The following ZKSCAN2 variants were observed in gnomAD, a reference collection of about 807,000 sequenced individuals.
ZKSCAN2 encodes the protein zinc finger protein with KRAB and SCAN domains 2.
A neutral mutation model predicts 90.5 loss-of-function variants in ZKSCAN2; 38 were observed. The ratio of observed to expected loss-of-function variants is 0.42; its 90% confidence interval spans 0.32 to 0.55. The LOEUF is 0.55. Among genes scored for constraint, ZKSCAN2 ranks in the 20% least tolerant of loss-of-function variants. The pLI is 0.11. For synonymous variants in ZKSCAN2, 429 were observed against 421.6 expected (o/e 1.02, Z -0.22); for missense variants, 1,167 against 1,202.6 (o/e 0.97, Z 0.44).
rs954125144 is a variant in ZKSCAN2, at chr16:25,246,749, A to G, written c.1447T>C (p.Ser483Pro). ...AAGACAGGGGCACCATGGATTTCAG[A>G]CTTGCGGATAAATTCGATGCCTATT... ...DEIGIEFIRK[S>P]EIHGAPVLFQ... The change falls in exon 5 of 7, where the codon TCT (serine) becomes CCT (proline). Residue 483 changes from serine to proline, a missense_variant. Coordinates refer to ENST00000328086, the MANE Select transcript of ZKSCAN2 (RefSeq NM_001012981.5). The G allele has an allele frequency of 6.2e-7, 1 of 1,614,084 alleles. No homozygotes were observed. Among genetic ancestry groups the G allele is most frequent in the Non-Finnish European group, 8.5e-7 (1 of 1,180,034 alleles).
At chr16:25,254,990 G>A (rs771657683) in intron 2 of ZKSCAN2, among the ~76,000 whole-genome samples, 1 of 150,640 alleles carries the variant, frequency 6.6e-6, no homozygotes, top group Non-Finnish European at 1.5e-5. Context: ...ATTTTGTAGA[G>A]ACTGGGTTTT....
At chr16:25,242,153 CCA>C (rs759705262) in intron 6 of ZKSCAN2, among the ~76,000 whole-genome samples, 3 of 152,198 alleles carry the variant, frequency 2.0e-5, no homozygotes, top group Non-Finnish European at 4.4e-5. Flanking sequence ...GTGTGGGCCA[CCA>C]CACCTGGCCT....
Position 25,246,858 on chromosome 16 carries a change from T to C in ZKSCAN2, c.1338A>G (p.Arg446=), listed in dbSNP as rs1205198732. ...TAGCACTGATGGCAATTCTCTTCAG[T>C]CTGGGGACAGGTATCATCTCCTTTG... ...DKPKEMIPVP[R]LKRIAISAKE... is the part of the protein sequence containing the mutation. The change falls in exon 5 of 7, where the codon AGA becomes AGG. Residue 446 remains arginine (R), a synonymous_variant. Coordinates refer to ENST00000328086, the MANE Select transcript of ZKSCAN2 (RefSeq NM_001012981.5). The C allele has an allele frequency of 6.2e-7, 1 of 1,614,092 alleles. No homozygotes were observed. Among genetic ancestry groups the C allele is most frequent in the Non-Finnish European group, 8.5e-7 (1 of 1,180,044 alleles).
At chr16:25,255,083 A>C (rs914365811) in intron 2 of ZKSCAN2, 123 bp downstream of exon 2, 71 of 1,011,858 alleles carry the variant, frequency 7.0e-5, no homozygotes, top group Non-Finnish European at 1.7e-5. Context: ...GAAGTGAATG[A>C]AACCTTTCTC....
At chr16:25,251,888 G>C (rs755750430) in intron 4 of ZKSCAN2, 21 bp downstream of exon 4, 4 of 1,612,236 alleles carry the variant, frequency 2.5e-6, no homozygotes, top group Non-Finnish European at 3.4e-6. Context: ...TCTTATATTT[G>C]GAAAGGGAAG....
Position 25,240,470 on chromosome 16 carries a change from A to T in ZKSCAN2, c.2250T>A (p.Leu750=). ...TTCCAAAGCTTTCTCCATATTTGAG[A>T]AGTCTGTAGGGTCTCTTCCCCACAA... ...RPFVGKRPYR[L]LKYGESFGRS... is the part of the protein sequence containing the mutation. The change falls in exon 7 of 7, where the codon CTT becomes CTA. Residue 750 remains leucine (L), a synonymous_variant. Transcript: ENST00000328086. 6.2e-7 allele frequency: 1 copy of T among 1,614,046 alleles called. No homozygotes were observed. The highest frequency in any genetic ancestry group is 2.2e-5 in the East Asian group (1 of 44,872).
Position 25,236,361 on chromosome 16 carries a change from G to A in ZKSCAN2, c.*3455C>T, listed in dbSNP as rs1962767906. ...CTTCCCCAACAAGCTCCTGGGCTGA[G>A]TTTGCTGTCACAGCATCCCCTCCCT... On this transcript the variant is annotated 3_prime_UTR_variant, in exon 7 of 7. Coordinates refer to ENST00000328086, the MANE Select transcript of ZKSCAN2 (RefSeq NM_001012981.5). 6.6e-6 allele frequency: 1 copy of A among 152,394 alleles called. No homozygotes were observed. The highest frequency in any genetic ancestry group is 2.1e-4 in the South Asian group (1 of 4,838). 9.4% of individuals were successfully genotyped at this position (152,394 alleles called of 1,614,324 possible). A position where few individuals can be genotyped will look rare whatever the true frequency, so the allele number is the denominator to read the frequency against.
chr16:25,249,468 G>C (rs1255253691), intron 4 of ZKSCAN2, among the ~76,000 whole-genome samples: 2 of 152,086 alleles, frequency 1.3e-5, no homozygotes, highest in African/African-American at 4.8e-5. Context: ...ATTTTTAGTA[G>C]AGATGGGGTT....
chr16:25,251,213 G>A (rs1279006152), intron 4 of ZKSCAN2, among the ~76,000 whole-genome samples: 1 of 152,058 alleles, frequency 6.6e-6, no homozygotes, highest in African/African-American at 2.4e-5. Flanking sequence ...GCTTAAGGAG[G>A]TTGAGGGTAG....
intron 5 of ZKSCAN2, 62 bp from the exon 6 acceptor site, chr16:25,244,338 A>G (rs1962901347): frequency 5.3e-6 from 8 of 1,518,080 alleles, no homozygotes; most frequent in Non-Finnish European, 6.2e-6. Context: ...CCTCTATACT[A>G]TATACATTAA....
At chr16:25,243,760 A>G (rs1962887519) in intron 6 of ZKSCAN2, 25 bp downstream of exon 6, 2 of 1,502,002 alleles carry the variant, frequency 1.3e-6, no homozygotes, top group African/African-American at 2.2e-5. Flanking sequence ...CTTTTGGACT[A>G]AAACTCCTTG....
chr16:25,240,824 T>C (rs1962841949), intron 6 of ZKSCAN2, 86 bp from the exon 7 acceptor site: 2 of 1,049,386 alleles, frequency 1.9e-6, no homozygotes, highest in South Asian at 3.0e-5. Context: ...ATCCGCTTGC[T>C]CTCCATACAC....
chr16:25,236,023 C>G lies in ZKSCAN2; in HGVS notation c.*3793G>C, dbSNP rs1031021328. 4.6e-5 allele frequency: 7 copies of G among 152,170 alleles called. No individual in the cohort carries two copies. The highest frequency in any genetic ancestry group is 5.9e-5 in the Non-Finnish European group (4 of 68,030). The allele number at this position is 152,170 out of a possible 1,614,324, so 9.4% of individuals were successfully genotyped here. A position where few individuals can be genotyped will look rare whatever the true frequency, so the allele number is the denominator to read the frequency against. The stretch of plus-strand genomic sequence containing the variant: ...AAATTATGGCAGAAACCAGTGGGAG[C>G]CATTTATTTTAGACATTTATTCCAC... On this transcript the variant is annotated 3_prime_UTR_variant, in exon 7 of 7. Coordinates refer to ENST00000328086, the MANE Select transcript of ZKSCAN2 (RefSeq NM_001012981.5).
At position 25,255,183 on chromosome 16, in the gene ZKSCAN2, G is replaced by A. The variant is rs368032652; in HGVS notation, c.586+23C>T. ...ATCTGCCCCAGCCTCTGCACTAGGC[G>A]TGCTCCGAGTCTTCCCTCTTACCAT... is the stretch of plus-strand genomic sequence containing the variant. On this transcript the variant is annotated intron_variant, in intron 2 of 6. Transcript: ENST00000328086. 4.3e-5 allele frequency: 68 copies of A among 1,585,508 alleles called. No individual in the cohort carries two copies. In the African/African-American group the frequency reaches 5.6e-4, roughly 13 times the overall value.
intron 4 of ZKSCAN2, among the ~76,000 whole-genome samples, chr16:25,248,566 T>C (rs569959250): frequency 6.6e-6 from 1 of 152,312 alleles, no homozygotes; most frequent in African/African-American, 2.4e-5. Context: ...TCAACATTGC[T>C]AATCATCAGG....
rs980434695 is a variant in ZKSCAN2 at position 25,257,399 on chromosome 16, T to G, written c.-272A>C. ...GTTTTCCAGAGTGCATCCCTCTTAG[T>G]GCAAAGTCGGAAACCGGGAGGCTGG... On this transcript the variant is annotated 5_prime_UTR_variant, in exon 1 of 7. Coordinates refer to ENST00000328086, the MANE Select transcript of ZKSCAN2 (RefSeq NM_001012981.5). 1.7e-6 allele frequency: 2 copies of G among 1,163,172 alleles called. No homozygotes were observed. The highest frequency in any genetic ancestry group is 1.6e-5 in the African/African-American group (1 of 62,932). The allele number at this position is 1,163,172 out of a possible 1,614,324, so 72.1% of individuals were successfully genotyped here.
At chr16:25,247,489 C>G in intron 4 of ZKSCAN2, 99 bp from the exon 5 acceptor site, 1 of 951,246 alleles carries the variant, frequency 1.1e-6, no homozygotes, top group Non-Finnish European at 1.6e-6. Context: ...CTTGTTCACA[C>G]CCAAACCTTC....
chr16:25,239,917 C>CAG lies in ZKSCAN2; in HGVS notation c.2802_2803insCT (p.Glu935LeufsTer5). 1.2e-6 allele frequency: 2 copies of CAG among 1,614,192 alleles called. No homozygotes were observed. The highest frequency in any genetic ancestry group is 1.7e-6 in the Non-Finnish European group (2 of 1,180,026). On this transcript the variant is annotated frameshift_variant, in exon 7 of 7. Transcript: ENST00000328086. LOFTEE classifies it low-confidence loss of function (END_TRUNC). Reference sequence around the variant, plus strand: ...AGAGGCTTTTCTCTCACATGAACTTCCCGATGTTTGGTAAGAACAGAACTC... The same window carrying CAG: ...AGAGGCTTTTCTCTCACATGAACTTCAGCCGATGTTTGGTAAGAACAGAACTC...
At position 25,237,367 on chromosome 16, in the gene ZKSCAN2, G is replaced by A. The variant is rs1257127973; in HGVS notation, c.*2449C>T. 1.3e-5 allele frequency: 2 copies of A among 152,190 alleles called. No homozygotes were observed. Among genetic ancestry groups the A allele is most frequent in the East Asian group, 3.8e-4 (2 of 5,202 alleles). 9.4% of individuals were successfully genotyped at this position (152,190 alleles called of 1,614,324 possible). ...CTAGACAGCCCATTTACAATTAGGA[G>A]TAGAGATAGGGGAACCCAAATTCCA... On this transcript the variant is annotated 3_prime_UTR_variant, in exon 7 of 7. Transcript: ENST00000328086.
Sources: gnomAD v4.1 joint callset for allele counts (sites outside exome capture counted in the v4.1 genomes callset) on GRCh38, gnomAD v4.1.1 for gene constraint, MANE v1.5 for transcripts, NCBI Gene and HGNC (gene_info 2026-07-23, HGNC 2026-07-21) for gene names.